CRTC1: variants seen among roughly 807,000 people sequenced by gnomAD.
The protein encoded by CRTC1 is CREB regulated transcription coactivator 1, also known as CREB-regulated transcription coactivator 1.
CRTC1 carries 18 observed loss-of-function variants against 66.1 expected under a neutral mutation model. That is an observed-to-expected ratio of 0.27 (90% CI 0.19 to 0.40). CRTC1 has a LOEUF of 0.40. Ranked by LOEUF, CRTC1 falls within the 10% of genes least tolerant of loss-of-function variation. The pLI is 1.00. For missense variants in CRTC1, 669 were observed against 887.9 expected (o/e 0.75, Z 3.13); for synonymous variants, 416 against 398.8 (o/e 1.04, Z -0.51).
rs72997381 is a variant in CRTC1 at position 18,709,293 on chromosome 19, C to G, written c.126+25465C>G. On this transcript the variant is annotated intron_variant, in intron 1 of 13. Coordinates refer to ENST00000321949, the MANE Select transcript of CRTC1 (RefSeq NM_015321.3). ...GGGACCACCTTTCCCCTCACCTGGCCCCTCATCCTCTGTCCTGATGTCCCC... is the reference window on the plus strand; with the variant it reads ...GGGACCACCTTTCCCCTCACCTGGCGCCTCATCCTCTGTCCTGATGTCCCC... Among the ~76,000 whole-genome samples, 694 of 152,266 alleles carry G rather than the reference C, an allele frequency of 4.6e-3. 6 individuals are homozygous for G. The highest frequency in any genetic ancestry group is 7.3e-3 in the Non-Finnish European group (497 of 68,014).
intron 1 of CRTC1, among the ~76,000 whole-genome samples, chr19:18,732,354 A>G (rs1305018788): frequency 6.6e-6 from 1 of 151,992 alleles, no homozygotes; most frequent in Non-Finnish European, 1.5e-5. Flanking sequence ...GGGAGAGGCC[A>G]TTCGAGGACT....
intron 1 of CRTC1, among the ~76,000 whole-genome samples, chr19:18,686,257 A>G (rs975940748): frequency 1.3e-5 from 2 of 152,102 alleles, no homozygotes; most frequent in East Asian, 1.9e-4. Flanking sequence ...TCTCTGTAGT[A>G]TCATGGATCA....
chr19:18,709,855 C>T (rs1312222027), intron 1 of CRTC1, among the ~76,000 whole-genome samples: 1 of 152,182 alleles, frequency 6.6e-6, no homozygotes, highest in Admixed American at 6.5e-5. Context: ...TGTTGCCTGC[C>T]CTGCCCTGGC....
chr19:18,736,046 T>C (rs965151429), intron 1 of CRTC1, among the ~76,000 whole-genome samples: 10 of 151,930 alleles, frequency 6.6e-5, no homozygotes, highest in Non-Finnish European at 1.5e-5. Context: ...GCCTGAGCCT[T>C]GGTTGGTTTT....
At chr19:18,748,052 G>C (rs2054284561) in intron 4 of CRTC1, among the ~76,000 whole-genome samples, 1 of 152,088 alleles carries the variant, frequency 6.6e-6, no homozygotes, top group African/African-American at 2.4e-5. Context: ...AGTCCAGCCT[G>C]GGCCACAGAG....
intron 1 of CRTC1, among the ~76,000 whole-genome samples, chr19:18,698,032 G>T (rs1313344841): frequency 3.3e-5 from 5 of 152,098 alleles, no homozygotes; most frequent in African/African-American, 1.2e-4. Context: ...TGTTCTGCAG[G>T]TGCTCAGCAG....
At chr19:18,734,492 C>G (rs1216211495) in intron 1 of CRTC1, among the ~76,000 whole-genome samples, 1 of 150,048 alleles carries the variant, frequency 6.7e-6, no homozygotes, top group African/African-American at 2.5e-5. Context: ...TGAGGCCAGC[C>G]TGGACAACAT....
At position 18,771,793 on chromosome 19, in the gene CRTC1, G is replaced by A. The variant is rs2054875284; in HGVS notation, c.1425+247G>A. On this transcript the variant is annotated intron_variant, in intron 11 of 13. Transcript: ENST00000321949. This position sits in a 1 kb window ranked among gnomAD's most constrained non-coding sequence, Gnocchi z 4.6. The stretch of plus-strand genomic sequence containing the variant: ...TGCTGAACACTAGGTGGGGGTGTGC[G>A]TTAGTGACATTAGCGATGGCTGTGG... Among the ~76,000 whole-genome samples, 2 of 152,206 alleles carry A rather than the reference G, an allele frequency of 1.3e-5. No individual in the cohort carries two copies. The highest frequency in any genetic ancestry group is 2.9e-5 in the Non-Finnish European group (2 of 68,034).
intron 5 of CRTC1, among the ~76,000 whole-genome samples, chr19:18,750,756 C>T (rs555632689): frequency 1.3e-5 from 2 of 152,244 alleles, no homozygotes; most frequent in Admixed American, 6.5e-5. Context: ...AACCTCACTC[C>T]GGGGTTCCGG....
chr19:18,693,226 T>C (rs1374604355), intron 1 of CRTC1, among the ~76,000 whole-genome samples: 2 of 151,336 alleles, frequency 1.3e-5, no homozygotes, highest in Non-Finnish European at 2.9e-5. Flanking sequence ...CTGTCTTTAC[T>C]AAAAATACAA....
intron 2 of CRTC1, among the ~76,000 whole-genome samples, chr19:18,743,338 T>G (rs2054152493): frequency 6.6e-6 from 1 of 152,254 alleles, no homozygotes; most frequent in Admixed American, 6.5e-5. Context: ...GGCTTGGCTC[T>G]GTCCTGCCTC....
intron 1 of CRTC1, among the ~76,000 whole-genome samples, chr19:18,733,156 G>GC (rs2053926806): frequency 6.6e-6 from 1 of 151,926 alleles, no homozygotes; most frequent in African/African-American, 2.4e-5. Context: ...TGTAACTGAG[G>GC]CCCCTCCTGT....
At chr19:18,735,367 T>A (rs1293447650) in intron 1 of CRTC1, among the ~76,000 whole-genome samples, 1 of 152,130 alleles carries the variant, frequency 6.6e-6, no homozygotes, top group African/African-American at 2.4e-5. Flanking sequence ...GGTGTTCACC[T>A]CCTTTGTTCT....
intron 1 of CRTC1, among the ~76,000 whole-genome samples, chr19:18,742,468 G>A (rs1465666742): frequency 6.6e-6 from 1 of 152,232 alleles, no homozygotes; most frequent in Non-Finnish European, 1.5e-5. Context: ...CCACGCTTCT[G>A]AGACAGCTTC....
intron 1 of CRTC1, among the ~76,000 whole-genome samples, chr19:18,694,706 G>A (rs1218445339): frequency 1.3e-5 from 2 of 152,174 alleles, no homozygotes; most frequent in African/African-American, 4.8e-5. Flanking sequence ...AGAGTGTTGG[G>A]ATTACAGGTG....
At chr19:18,729,154 G>T (rs1365818886) in intron 1 of CRTC1, among the ~76,000 whole-genome samples, 1 of 147,930 alleles carries the variant, frequency 6.8e-6, no homozygotes, top group Non-Finnish European at 1.5e-5. Flanking sequence ...GGCCGGGCGC[G>T]GTGGCTCACG....
chr19:18,706,881 G>C (rs886520634), intron 1 of CRTC1, among the ~76,000 whole-genome samples: 2 of 151,980 alleles, frequency 1.3e-5, no homozygotes, highest in African/African-American at 4.8e-5. Flanking sequence ...AAATTGGGTT[G>C]TTTTTCTTTT....
chr19:18,763,953 C>T (rs1302359809), intron 8 of CRTC1, among the ~76,000 whole-genome samples: 3 of 152,214 alleles, frequency 2.0e-5, no homozygotes, highest in South Asian at 2.1e-4. Flanking sequence ...CACATCCTCC[C>T]GTCCAGGCCT....
chr19:18,728,828 T>TTTTTTTTTTTTTTTTTTTTTTTTTTTTTA, intron 1 of CRTC1, among the ~76,000 whole-genome samples: 1 of 142,072 alleles, frequency 7.0e-6, no homozygotes, highest in South Asian at 2.3e-4. Context: ...TTTTTTTTTT[T>TTTTTTTTTTTTTTTTTTTTTTTTTTTTTA]TTGAGACAGA....
Sources: allele counts gnomAD v4.1 joint callset (sites outside exome capture counted in the v4.1 genomes callset), GRCh38; gene constraint gnomAD v4.1.1; non-coding constraint Gnocchi (gnomAD v3.1); transcripts MANE v1.5; gene names NCBI Gene and HGNC (gene_info 2026-07-23, HGNC 2026-07-21).